METTL8: variants seen among roughly 807,000 people sequenced by gnomAD.
METTL8 encodes methyltransferase 8, tRNA N3-cytidine.
A neutral mutation model predicts 48.7 loss-of-function variants in METTL8; 32 were observed. The observed-to-expected ratio is 0.66, with a 90% CI of 0.50 to 0.88. METTL8 has a LOEUF of 0.88. METTL8 is among the 40% of genes least tolerant of loss of function. METTL8 has a pLI of 0.00. For synonymous variants in METTL8, 136 were observed against 157.1 expected, an observed-to-expected ratio of 0.87 and a Z score of 1.01; for missense variants, 464 against 474.4, an observed-to-expected ratio of 0.98 and a Z score of 0.20.
At chr2:171,419,907 C>T (rs903948388) in intron 1 of METTL8, among the ~76,000 whole-genome samples, 7 of 152,060 alleles carry the variant, frequency 4.6e-5, no homozygotes, top group African/African-American at 1.7e-4. Flanking sequence ...CCCAAACTCC[C>T]TGTTTCTGTT....
intron 3 of METTL8, among the ~76,000 whole-genome samples, chr2:171,354,457 G>A (rs2105456288): frequency 6.6e-6 from 1 of 152,284 alleles, no homozygotes; most frequent in Admixed American, 6.5e-5. Flanking sequence ...TCTTCTCGAG[G>A]AGTATCTTTG....
chr2:171,382,448 G>A (rs11889119), intron 2 of METTL8, among the ~76,000 whole-genome samples: 2,731 of 152,160 alleles, frequency 0.018, 84 homozygotes, highest in African/African-American at 0.062. Flanking sequence ...GCAAACTAAC[G>A]CAGGAATAGA....
chr2:171,369,833 C>G (rs12474875), intron 2 of METTL8, among the ~76,000 whole-genome samples: 30,664 of 151,994 alleles, frequency 0.2, 3,616 homozygotes, highest in East Asian at 0.43. Context: ...TTTGGGAGGC[C>G]AAGGCGGGCG....
intron 3 of METTL8, among the ~76,000 whole-genome samples, chr2:171,339,893 G>A (rs1017300686): frequency 6.6e-6 from 1 of 152,136 alleles, no homozygotes; most frequent in African/African-American, 2.4e-5. Context: ...TAAGCTGTGT[G>A]GTTTTTTATT....
intron 1 of METTL8, among the ~76,000 whole-genome samples, chr2:171,398,330 A>C (rs1031883935): frequency 6.6e-6 from 1 of 152,218 alleles, no homozygotes; most frequent in African/African-American, 2.4e-5. Flanking sequence ...CCTTAAAAAG[A>C]AAGGAAATTT....
intron 1 of METTL8, among the ~76,000 whole-genome samples, chr2:171,431,817 G>A (rs1268553278): frequency 6.7e-6 from 1 of 150,142 alleles, no homozygotes; most frequent in Admixed American, 6.6e-5. Flanking sequence ...AGGCTGCAGA[G>A]GGCAGATCTA....
intron 2 of METTL8, chr2:171,374,854 T>C (rs1299275475): frequency 6.7e-6 from 5 of 751,352 alleles, no homozygotes; most frequent in Non-Finnish European, 1.2e-5. Context: ...TGTTTAACTT[T>C]TTTTTTTTTA....
intron 3 of METTL8, among the ~76,000 whole-genome samples, chr2:171,357,874 T>G (rs1315283476): frequency 6.6e-6 from 1 of 152,152 alleles, no homozygotes. Context: ...TTTTGTATTT[T>G]TTGTAGAGAC....
chr2:171,326,063 T>C lies in METTL8; in HGVS notation c.946A>G (p.Thr316Ala). The C allele has an allele frequency of 6.5e-7, 1 of 1,545,358 alleles. No homozygotes were observed. Among genetic ancestry groups the C allele is most frequent in the East Asian group, 2.4e-5 (1 of 40,818 alleles). ...LFRDYGRYDK[T>A]QLRFKKGHCL... ...TTACCCTTTTTAAAACGAAGCTGAG[T>C]CTTATCATATCTTCCATAGTCTCGA... Residue 316 changes from threonine to alanine, a missense_variant, in exon 8 of 10, where the codon ACT (threonine) becomes GCT (alanine). Thr to Ala is a moderately conservative substitution (Grantham distance 58). Transcript: ENST00000375258.
Position 171,325,895 on chromosome 2 carries a change from A to T in METTL8, c.979T>A (p.Ser327Thr). Reference sequence around the variant, plus strand: ...TCTCCTCGAACATAAAAATTTTCAGATAAACAATGTCCTGAAAAAAATTGT... The same window carrying T: ...TCTCCTCGAACATAAAAATTTTCAGTTAAACAATGTCCTGAAAAAAATTGT... ...QLRFKKGHCL[S>T]ENFYVRGDGT... Residue 327 changes from serine to threonine, a missense_variant, in exon 9 of 10, where the codon TCT (serine) becomes ACT (threonine). Transcript: ENST00000375258. 1 of 1,600,294 alleles carries T rather than the reference A, an allele frequency of 6.2e-7. No homozygotes were observed.
At chr2:171,429,457 G>GC (rs1478799443) in intron 1 of METTL8, among the ~76,000 whole-genome samples, 1 of 152,300 alleles carries the variant, frequency 6.6e-6, no homozygotes, top group Admixed American at 6.5e-5. Flanking sequence ...AGGAAGGTAC[G>GC]CCACAGAGGA....
chr2:171,372,643 C>T (rs1459160670), intron 2 of METTL8, among the ~76,000 whole-genome samples: 1 of 151,974 alleles, frequency 6.6e-6, no homozygotes, highest in Non-Finnish European at 1.5e-5. Context: ...CTCCCCACAC[C>T]CCACAACAGG....
intron 1 of METTL8, among the ~76,000 whole-genome samples, chr2:171,417,457 A>G (rs186546919): frequency 6.6e-6 from 1 of 152,310 alleles, no homozygotes; most frequent in East Asian, 1.9e-4. Flanking sequence ...GCACTACTCC[A>G]AGTCATACAC....
At chr2:171,350,468 G>GTA (rs1298552170) in intron 3 of METTL8, among the ~76,000 whole-genome samples, 2 of 152,106 alleles carry the variant, frequency 1.3e-5, no homozygotes, top group South Asian at 2.1e-4. Flanking sequence ...AATCCTTTGG[G>GTA]TATATACCCA....
rs548681346 is a variant in METTL8, at chr2:171,403,840, G to T, written c.-12-11643C>A. Among the ~76,000 whole-genome samples, 10 of 151,546 alleles carry T rather than the reference G, an allele frequency of 6.6e-5. No individual in the cohort carries two copies. In the South Asian group the frequency reaches 2.1e-3, roughly 32 times the overall value. On this transcript the variant is annotated intron_variant, in intron 1 of 9. Coordinates refer to ENST00000375258, the MANE Select transcript of METTL8 (RefSeq NM_001321154.2). ...TATAAGGCTGGAAAGTTAGGCAGAG[G>T]CCAGATAGGAATCTTCATGTACACC...
chr2:171,340,703 A>G (rs1261943951), intron 3 of METTL8, among the ~76,000 whole-genome samples: 1 of 152,206 alleles, frequency 6.6e-6, no homozygotes, highest in African/African-American at 2.4e-5. Flanking sequence ...AAAAGGGTCC[A>G]TTGGAACAAT....
intron 2 of METTL8, among the ~76,000 whole-genome samples, chr2:171,363,974 G>A (rs957428425): frequency 4.6e-5 from 7 of 151,070 alleles, no homozygotes; most frequent in South Asian, 2.1e-4. Context: ...CACCATACCC[G>A]GCTAATTTTT....
chr2:171,370,732 A>G (rs978084567), intron 2 of METTL8, among the ~76,000 whole-genome samples: 3 of 152,202 alleles, frequency 2.0e-5, no homozygotes, highest in Non-Finnish European at 2.9e-5. Flanking sequence ...CGGAGCTTGC[A>G]GTGAGCCGAG....
intron 4 of METTL8, among the ~76,000 whole-genome samples, chr2:171,337,756 G>C (rs764040781): frequency 2.8e-5 from 4 of 140,708 alleles, no homozygotes; most frequent in Non-Finnish European, 4.7e-5. Flanking sequence ...ACGCTGTGAA[G>C]AAAACTGCAA....
Sources: gnomAD v4.1 joint callset for allele counts (sites outside exome capture counted in the v4.1 genomes callset) on GRCh38, gnomAD v4.1.1 for gene constraint, MANE v1.5 for transcripts, NCBI Gene and HGNC (gene_info 2026-07-23, HGNC 2026-07-21) for gene names.